ANK2: variants seen among roughly 807,000 people sequenced by gnomAD.
ANK2 encodes the protein ankyrin-2.
In ANK2, 83 loss-of-function variants were observed where a neutral mutation model predicts 360.5. The observed-to-expected ratio is 0.23, with a 90% CI of 0.19 to 0.28. The LOEUF (loss-of-function observed/expected upper bound fraction) is 0.28, where lower values mean the gene tolerates loss of function less well. Ranked by LOEUF, ANK2 falls within the 10% of genes least tolerant of loss-of-function variation. The pLI is 1.00. For missense variants in ANK2, 4,201 were observed against 4,795.7 expected, an observed-to-expected ratio of 0.88 and a Z score of 3.66; for synonymous variants, 1,740 against 1,759.5, an observed-to-expected ratio of 0.99 and a Z score of 0.28.
chr4:113,250,501 C>T (rs140343135), intron 10 of ANK2, among the ~76,000 whole-genome samples: 315 of 152,266 alleles, frequency 2.1e-3, no homozygotes, highest in African/African-American at 7.3e-3. Context: ...TATACATGAG[C>T]ACCACACTGT....
chr4:112,868,514 C>T (rs2071556182), intron 1 of ANK2, among the ~76,000 whole-genome samples: 1 of 152,226 alleles, frequency 6.6e-6, no homozygotes, highest in Non-Finnish European at 1.5e-5. Flanking sequence ...CTCCTGAGGG[C>T]AGAGCCCTCA....
intron 2 of ANK2, among the ~76,000 whole-genome samples, chr4:112,994,225 G>T (rs1011192934): frequency 2.0e-5 from 3 of 152,152 alleles, no homozygotes; most frequent in Non-Finnish European, 4.4e-5. Context: ...TATATATGGT[G>T]CCAACAGTCA....
chr4:112,809,477 C>T, the ANK2 span, among the ~76,000 whole-genome samples: 10 of 149,942 alleles, frequency 6.7e-5, no homozygotes, highest in African/African-American at 1.7e-4. Flanking sequence ...AGGAGAATGG[C>T]GTGAACCTGG....
In ANK2 at chr4:113,053,942, A is replaced by T. The variant is rs1001887457; in HGVS notation, c.84+4130A>T. On this transcript the variant is annotated intron_variant, in intron 1 of 45. Transcript: ENST00000357077. Reference sequence around the variant, plus strand: ...GATTAGATTAAAATAATCCAAGACCATATTTTTGTGTGCAGCTCCACACAC... The same window carrying T: ...GATTAGATTAAAATAATCCAAGACCTTATTTTTGTGTGCAGCTCCACACAC... 3.3e-5 allele frequency among the ~76,000 whole-genome samples: 5 copies of T among 152,154 alleles called. No homozygotes were observed. In the South Asian group the frequency reaches 1.0e-3, roughly 32 times the overall value.
At chr4:112,854,852 G>A (rs1009164674) in intron 1 of ANK2, among the ~76,000 whole-genome samples, 6 of 152,158 alleles carry the variant, frequency 3.9e-5, no homozygotes, top group Non-Finnish European at 8.8e-5. Context: ...AGAGAGCTCA[G>A]TGTGGGAGGA....
intron 15 of ANK2, among the ~76,000 whole-genome samples, chr4:113,276,699 A>T (rs1384883573): frequency 1.3e-5 from 2 of 152,342 alleles, no homozygotes; most frequent in African/African-American, 4.8e-5. Context: ...TCTTCCAAGG[A>T]TTTATTAATA....
chr4:112,890,936 C>T (rs931558039), intron 1 of ANK2, among the ~76,000 whole-genome samples: 1 of 152,178 alleles, frequency 6.6e-6, no homozygotes, highest in African/African-American at 2.4e-5. Context: ...CTTCTAAGAA[C>T]TCCTTTTCAT....
At chr4:112,852,637 C>T (rs1194297300) in intron 1 of ANK2, among the ~76,000 whole-genome samples, 4 of 152,174 alleles carry the variant, frequency 2.6e-5, no homozygotes, top group Non-Finnish European at 4.4e-5. Flanking sequence ...AACATTTCTT[C>T]TATGTTTCCT....
At chr4:112,850,908 T>C (rs566993399) in intron 1 of ANK2, among the ~76,000 whole-genome samples, 5 of 152,218 alleles carry the variant, frequency 3.3e-5, no homozygotes, top group African/African-American at 9.6e-5. Flanking sequence ...TGCCCATTTC[T>C]TTACATTCAC....
intron 1 of ANK2, among the ~76,000 whole-genome samples, chr4:113,073,208 G>A (rs998788538): frequency 4.0e-5 from 6 of 151,798 alleles, no homozygotes; most frequent in East Asian, 1.9e-4. Flanking sequence ...CACCTGTCTC[G>A]GCCTCCCAAA....
chr4:113,196,285 C>G, intron 2 of ANK2, 83 bp from the exon 3 acceptor site: 1 of 1,038,082 alleles, frequency 9.6e-7, no homozygotes, highest in South Asian at 1.3e-5. Flanking sequence ...TGTCTGTTCT[C>G]TGGGTTATAT....
chr4:112,706,445 C>T, the ANK2 span, among the ~76,000 whole-genome samples: 1 of 152,080 alleles, frequency 6.6e-6, no homozygotes, highest in African/African-American at 2.4e-5. Context: ...GAAAAATACA[C>T]GTCTTCCAAA....
At chr4:113,087,574 TAAAC>T (rs1284898821) in intron 1 of ANK2, among the ~76,000 whole-genome samples, 1 of 152,170 alleles carries the variant, frequency 6.6e-6, no homozygotes, top group Non-Finnish European at 1.5e-5. Context: ...ATTAAAATAT[TAAAC>T]AAAGATGGCT....
the ANK2 span, among the ~76,000 whole-genome samples, chr4:112,784,818 A>T: frequency 6.6e-6 from 1 of 152,198 alleles, no homozygotes; most frequent in Non-Finnish European, 1.5e-5. Flanking sequence ...ATTTTATTTT[A>T]TCCTTTCTGA....
chr4:113,163,959 C>T (rs2097658343), intron 1 of ANK2, among the ~76,000 whole-genome samples: 1 of 152,026 alleles, frequency 6.6e-6, no homozygotes, highest in African/African-American at 2.4e-5. Context: ...CATCAATAGT[C>T]ATTCTCCATT....
At chr4:113,331,756 G>A (rs946903993) in intron 27 of ANK2, among the ~76,000 whole-genome samples, 14 of 151,954 alleles carry the variant, frequency 9.2e-5, no homozygotes, top group Admixed American at 5.2e-4. Context: ...GGGACAGACC[G>A]GACAGCTAAG....
chr4:113,009,101 T>C (rs1413468528), intron 2 of ANK2, among the ~76,000 whole-genome samples: 1 of 152,220 alleles, frequency 6.6e-6, no homozygotes, highest in Non-Finnish European at 1.5e-5. Flanking sequence ...TCAAAGGTTT[T>C]AAATTATAAA....
At chr4:113,018,456 A>C (rs1463174052) in intron 2 of ANK2, among the ~76,000 whole-genome samples, 3 of 152,244 alleles carry the variant, frequency 2.0e-5, no homozygotes, top group African/African-American at 7.2e-5. Flanking sequence ...GCCTATGTCA[A>C]TGGAAGATAA....
chr4:113,248,732 C>G (rs141277370), intron 9 of ANK2, among the ~76,000 whole-genome samples: 1 of 152,078 alleles, frequency 6.6e-6, no homozygotes, highest in Non-Finnish European at 1.5e-5. Context: ...AAACGAGAGG[C>G]CATTTGAGTT....
Sources: gnomAD v4.1 joint callset for allele counts (sites outside exome capture counted in the v4.1 genomes callset) on GRCh38, gnomAD v4.1.1 for gene constraint, MANE v1.5 for transcripts, NCBI Gene and HGNC (gene_info 2026-07-23, HGNC 2026-07-21) for gene names.